The following RAB31 variants were observed in gnomAD, a reference collection of about 807,000 sequenced individuals.
The protein encoded by RAB31 is RAB31, member RAS oncogene family.
Under a neutral mutation model 25.6 loss-of-function variants are expected in RAB31, and 21 were observed. The ratio of observed to expected loss-of-function variants is 0.82; its 90% CI spans 0.58 to 1.18. The LOEUF is 1.18. RAB31 is among the 50% of genes most tolerant of loss of function. The pLI is 0.00. For missense variants in RAB31, 196 were observed against 250.1 expected, an observed-to-expected ratio of 0.78 and a Z score of 1.46; for synonymous variants, 87 against 84.0, an observed-to-expected ratio of 1.04 and a Z score of -0.20.
intron 1 of RAB31, among the ~76,000 whole-genome samples, chr18:9,742,876 CCTTCTTCTTTTCCTT>C (rs1444514587): frequency 6.6e-6 from 1 of 152,126 alleles, no homozygotes; most frequent in African/African-American, 2.4e-5. Flanking sequence ...GGCTCTTTTT[CCTTCTTCTTTTCCTT>C]CTTCTTCTTT....
intron 1 of RAB31, among the ~76,000 whole-genome samples, chr18:9,772,147 C>T (rs1189835408): frequency 1.3e-5 from 2 of 152,006 alleles, no homozygotes; most frequent in Non-Finnish European, 2.9e-5. Flanking sequence ...GACTTGTGTC[C>T]ATTGTTTTGA....
intron 1 of RAB31, among the ~76,000 whole-genome samples, chr18:9,757,213 A>T (rs994473701): frequency 6.6e-6 from 1 of 152,188 alleles, no homozygotes; most frequent in African/African-American, 2.4e-5. Flanking sequence ...AGATCAGAGA[A>T]ACATCTCAAA....
intron 5 of RAB31, among the ~76,000 whole-genome samples, chr18:9,823,112 C>T (rs1299612618): frequency 3.9e-5 from 6 of 152,140 alleles, no homozygotes; most frequent in Non-Finnish European, 8.8e-5. Flanking sequence ...ACACACAGCT[C>T]GAAATGCATC....
chr18:9,730,730 T>A (rs1444954204), intron 1 of RAB31, among the ~76,000 whole-genome samples: 2 of 152,078 alleles, frequency 1.3e-5, no homozygotes, highest in African/African-American at 2.4e-5. Context: ...TATCAAAGGG[T>A]TTGGTGCTTG....
intron 3 of RAB31, among the ~76,000 whole-genome samples, chr18:9,797,867 C>CTAT (rs1399389511): frequency 6.6e-6 from 1 of 152,204 alleles, no homozygotes; most frequent in East Asian, 1.9e-4. Flanking sequence ...CTCTAACAGG[C>CTAT]TATTCAAGGA....
At chr18:9,797,409 T>A (rs1243151531) in intron 3 of RAB31, 1 of 152,242 alleles carries the variant, frequency 6.6e-6, no homozygotes, top group Non-Finnish European at 1.5e-5. Flanking sequence ...TGACTTGCTG[T>A]GTTCCATGTA....
At chr18:9,831,780 G>A (rs1358362190) in intron 5 of RAB31, among the ~76,000 whole-genome samples, 1 of 152,166 alleles carries the variant, frequency 6.6e-6, no homozygotes, top group Non-Finnish European at 1.5e-5. Context: ...GCAAAATCAG[G>A]GACACAGTTT....
At chr18:9,833,698 C>T (rs756210588) in intron 5 of RAB31, among the ~76,000 whole-genome samples, 2 of 152,160 alleles carry the variant, frequency 1.3e-5, no homozygotes, top group Non-Finnish European at 2.9e-5. Flanking sequence ...ATTTCATTTT[C>T]GTTTAGAAAA....
intron 3 of RAB31, among the ~76,000 whole-genome samples, chr18:9,812,231 G>A (rs1268872774): frequency 6.6e-6 from 1 of 152,104 alleles, no homozygotes; most frequent in Non-Finnish European, 1.5e-5. Context: ...GGATTTTAGG[G>A]GAGACACAAA....
chr18:9,801,166 A>G (rs1016606084), intron 3 of RAB31, among the ~76,000 whole-genome samples: 20 of 152,142 alleles, frequency 1.3e-4, no homozygotes, highest in Non-Finnish European at 2.5e-4. Context: ...ATAATATTCC[A>G]TTGTCTGGAT....
At chr18:9,795,455 AG>A (rs1208854002) in intron 3 of RAB31, among the ~76,000 whole-genome samples, 1 of 152,250 alleles carries the variant, frequency 6.6e-6, no homozygotes, top group Non-Finnish European at 1.5e-5. Flanking sequence ...GACAATCCAC[AG>A]AGTGGGAGAA....
chr18:9,732,975 G>A (rs2068131060), intron 1 of RAB31, among the ~76,000 whole-genome samples: 1 of 152,202 alleles, frequency 6.6e-6, no homozygotes, highest in African/African-American at 2.4e-5. Flanking sequence ...TAGGTTAAGG[G>A]AAGCAATGGT....
chr18:9,794,319 C>T (rs2068476080), intron 3 of RAB31, among the ~76,000 whole-genome samples: 2 of 152,244 alleles, frequency 1.3e-5, no homozygotes, highest in South Asian at 2.1e-4. Context: ...TTTCATTTTA[C>T]CTAAATTCCC....
chr18:9,857,818 A>T (rs778601911), intron 6 of RAB31, among the ~76,000 whole-genome samples: 1 of 151,664 alleles, frequency 6.6e-6, no homozygotes, highest in Non-Finnish European at 1.5e-5. Flanking sequence ...ACTTGAGGCC[A>T]GGAGTTTGAG....
At chr18:9,782,566 G>T (rs960589999) in intron 2 of RAB31, among the ~76,000 whole-genome samples, 1 of 152,156 alleles carries the variant, frequency 6.6e-6, no homozygotes, top group African/African-American at 2.4e-5. Flanking sequence ...TTCAACTTTT[G>T]TAAGGAAATT....
rs549293166 is a variant in RAB31 at position 9,777,050 on chromosome 18, A to T, written c.119+1693A>T. ...ATGCAATTATTGCAAAATTTAAAAA[A>T]ATATATATCCACCGGAAGCGGTGGT... On this transcript the variant is annotated intron_variant, in intron 2 of 6. Transcript: ENST00000578921. 9.9e-5 allele frequency among the ~76,000 whole-genome samples: 15 copies of T among 152,268 alleles called. No homozygotes were observed. In the East Asian group the frequency reaches 1.5e-3, roughly 16 times the overall value.
At chr18:9,782,235 A>T (rs1250850914) in intron 2 of RAB31, among the ~76,000 whole-genome samples, 1 of 152,216 alleles carries the variant, frequency 6.6e-6, no homozygotes, top group Non-Finnish European at 1.5e-5. Context: ...TGGCCCTGGC[A>T]CTGCCTTCTT....
chr18:9,818,059 A>G (rs760981967), intron 5 of RAB31, among the ~76,000 whole-genome samples: 1 of 152,192 alleles, frequency 6.6e-6, no homozygotes. Flanking sequence ...AAAGTGTGGC[A>G]TGTATATCTT....
At chr18:9,714,067 T>C (rs900584821) in intron 1 of RAB31, among the ~76,000 whole-genome samples, 1 of 152,246 alleles carries the variant, frequency 6.6e-6, no homozygotes, top group Non-Finnish European at 1.5e-5. Context: ...TGTTCAGGCA[T>C]GTGGCCTCTA....
Sources: allele counts gnomAD v4.1 joint callset (sites outside exome capture counted in the v4.1 genomes callset), GRCh38; gene constraint gnomAD v4.1.1; transcripts MANE v1.5; gene names NCBI Gene and HGNC (gene_info 2026-07-23, HGNC 2026-07-21).